Variants in SFXN1 observed in about 807,000 individuals in gnomAD.
SFXN1 encodes the protein sideroflexin 1, also known as sideroflexin-1.
In SFXN1, 32 loss-of-function variants were observed where a neutral mutation model predicts 39.5. The ratio of observed to expected loss-of-function variants is 0.81; its 90% confidence interval spans 0.61 to 1.09. SFXN1 has a LOEUF of 1.09. SFXN1 is among the 50% of genes least tolerant of loss of function. The pLI is 0.00. For missense variants in SFXN1, 402 were observed against 407.1 expected, an observed-to-expected ratio of 0.99 and a Z score of 0.11; for synonymous variants, 136 against 146.5, an observed-to-expected ratio of 0.93 and a Z score of 0.52.
intron 7 of SFXN1, among the ~76,000 whole-genome samples, chr5:175,514,076 C>G (rs745520396): frequency 5.3e-5 from 8 of 152,008 alleles, no homozygotes; most frequent in Non-Finnish European, 1.0e-4. Flanking sequence ...CATACAGGAG[C>G]AGCACAGTCT....
chr5:175,486,996 G>T (rs1003785426), intron 1 of SFXN1, among the ~76,000 whole-genome samples: 1 of 152,208 alleles, frequency 6.6e-6, no homozygotes, highest in Non-Finnish European at 1.5e-5. Context: ...AGGGAAGAGA[G>T]ATTCCTTGGT....
Position 175,529,511 on chromosome 5 carries a change from T to C in SFXN1, c.*2777T>C, listed in dbSNP as rs527562323. The C allele has an allele frequency of 2.0e-5, 3 of 150,484 alleles. No individual in the cohort carries two copies. Among genetic ancestry groups the C allele is most frequent in the African/African-American group, 7.3e-5 (3 of 41,352 alleles). 9.3% of individuals were successfully genotyped at this position (150,484 alleles called of 1,614,324 possible). On this transcript the variant is annotated 3_prime_UTR_variant, in exon 11 of 11. Transcript: ENST00000321442. ...AAGATTGGCAATCCTTGCCGATCTTTTAGAAATACCTTTTCTGGAGAAAAA... is the reference window on the plus strand; with the variant it reads ...AAGATTGGCAATCCTTGCCGATCTTCTAGAAATACCTTTTCTGGAGAAAAA...
At chr5:175,492,401 AGGAAGAAAAGAGT>A in intron 2 of SFXN1, 134 bp downstream of exon 2, 2 of 734,870 alleles carry the variant, frequency 2.7e-6, no homozygotes, top group Non-Finnish European at 4.1e-6. Flanking sequence ...AAAAAAAAAA[AGGAAGAAAAGAGT>A]AAAAAGACCT....
chr5:175,492,020 AG>A (rs1217347636), intron 1 of SFXN1, 74 bp from the exon 2 acceptor site: 7 of 1,145,530 alleles, frequency 6.1e-6, no homozygotes, highest in Non-Finnish European at 8.5e-6. Context: ...CAAAAATTTA[AG>A]GTGACTGTAA....
chr5:175,522,092 T>C (rs1008498592), intron 9 of SFXN1, 124 bp downstream of exon 9: 4 of 748,092 alleles, frequency 5.3e-6, no homozygotes, highest in Non-Finnish European at 8.5e-6. Context: ...ACATCTGGAA[T>C]GCATGGCCCC....
chr5:175,514,588 A>G (rs900285282), intron 7 of SFXN1, among the ~76,000 whole-genome samples: 1 of 152,244 alleles, frequency 6.6e-6, no homozygotes, highest in African/African-American at 2.4e-5. Context: ...CCAATGAAGT[A>G]TACTTCATCA....
intron 1 of SFXN1, among the ~76,000 whole-genome samples, chr5:175,485,466 TG>T (rs1448133654): frequency 1.3e-5 from 2 of 152,202 alleles, no homozygotes; most frequent in Admixed American, 1.3e-4. Context: ...TCTGTTTCTC[TG>T]GCTCTGCCTC....
At chr5:175,512,255 T>TTTAC in intron 6 of SFXN1, 59 bp downstream of exon 6, 1 of 1,435,120 alleles carries the variant, frequency 7.0e-7, no homozygotes, top group Non-Finnish European at 9.7e-7. Context: ...TCTCTTGTAA[T>TTTAC]AATTAGCTTT....
At chr5:175,521,554 A>G (rs157474) in intron 8 of SFXN1, among the ~76,000 whole-genome samples, 48,468 of 152,130 alleles carry the variant, frequency 0.32, 11,553 homozygotes, top group African/African-American at 0.67. Context: ...GGAACTAACC[A>G]GAAGGCGGGA....
intron 1 of SFXN1, among the ~76,000 whole-genome samples, chr5:175,487,207 T>C (rs1168190417): frequency 1.3e-5 from 2 of 152,202 alleles, no homozygotes; most frequent in Admixed American, 6.5e-5. Flanking sequence ...CCCAGCCTTA[T>C]GCTGGACCTC....
At chr5:175,486,391 G>A (rs1242859229) in intron 1 of SFXN1, among the ~76,000 whole-genome samples, 25 of 152,164 alleles carry the variant, frequency 1.6e-4, no homozygotes, top group Admixed American at 1.2e-3. Context: ...CTCAGCTTCC[G>A]CATAATAAGC....
chr5:175,483,328 C>T (rs1472517039), intron 1 of SFXN1, among the ~76,000 whole-genome samples: 3 of 152,172 alleles, frequency 2.0e-5, no homozygotes, highest in Non-Finnish European at 4.4e-5. Flanking sequence ...TAAGTGGCAT[C>T]AGCCAACCAC....
intron 8 of SFXN1, among the ~76,000 whole-genome samples, chr5:175,519,705 G>A (rs150598356): frequency 6.6e-5 from 10 of 152,102 alleles, no homozygotes; most frequent in African/African-American, 2.4e-4. Flanking sequence ...AACATTCGGG[G>A]TGGTGAATAT....
At chr5:175,513,253 A>G (rs897783340) in intron 6 of SFXN1, among the ~76,000 whole-genome samples, 1 of 141,076 alleles carries the variant, frequency 7.1e-6, no homozygotes, top group Non-Finnish European at 1.5e-5. Context: ...GTCAGTGGAG[A>G]TAGCCACCAC....
chr5:175,518,856 C>A (rs746762530), intron 8 of SFXN1, among the ~76,000 whole-genome samples: 10 of 152,138 alleles, frequency 6.6e-5, no homozygotes, highest in Non-Finnish European at 1.3e-4. Flanking sequence ...TTAGACTCAA[C>A]ACAAAAAGCA....
chr5:175,515,455 T>C lies in SFXN1; in HGVS notation c.725-1159T>C, dbSNP rs2113346903. Among the ~76,000 whole-genome samples the C allele has an allele frequency of 2.0e-5, 3 of 152,342 alleles. No homozygotes were observed. In the Middle Eastern group the frequency reaches 0.01, roughly 518 times the overall value. On this transcript the variant is annotated intron_variant, in intron 7 of 10. Coordinates refer to ENST00000321442, the MANE Select transcript of SFXN1 (RefSeq NM_022754.7). ...CCAGAGAAGAAATACAATCTTTCTGTCCTAGTGCAATTTATAAGAGTAATT... is the reference window on the plus strand; with the variant it reads ...CCAGAGAAGAAATACAATCTTTCTGCCCTAGTGCAATTTATAAGAGTAATT...
intron 1 of SFXN1, among the ~76,000 whole-genome samples, chr5:175,489,125 A>C (rs1189167028): frequency 6.6e-6 from 1 of 152,206 alleles, no homozygotes; most frequent in East Asian, 1.9e-4. Context: ...CCTTCTGAAA[A>C]AAACAAAGCT....
intron 8 of SFXN1, among the ~76,000 whole-genome samples, chr5:175,519,630 C>T (rs1760818097): frequency 1.3e-5 from 2 of 152,038 alleles, no homozygotes; most frequent in South Asian, 4.2e-4. Context: ...GAGAGGTTGC[C>T]ATATAATGGG....
chr5:175,525,079 C>A (rs1458384481), intron 10 of SFXN1, among the ~76,000 whole-genome samples: 1 of 152,160 alleles, frequency 6.6e-6, no homozygotes, highest in Non-Finnish European at 1.5e-5. Flanking sequence ...ACAGATTATT[C>A]CAATTTCAAA....
Sources: allele counts gnomAD v4.1 joint callset (sites outside exome capture counted in the v4.1 genomes callset), GRCh38; gene constraint gnomAD v4.1.1; transcripts MANE v1.5; gene names NCBI Gene and HGNC (gene_info 2026-07-23, HGNC 2026-07-21).